ATAD2B: variants seen among roughly 807,000 people sequenced by gnomAD.
ATAD2B encodes ATPase family AAA domain-containing protein 2B.
ATAD2B carries 40 observed loss-of-function variants against 167.6 expected under a neutral mutation model. The observed-to-expected ratio is 0.24, with a 90% confidence interval of 0.19 to 0.31. ATAD2B has a LOEUF of 0.31. Ranked by LOEUF, ATAD2B falls within the 10% of genes least tolerant of loss-of-function variation. The pLI, the probability that ATAD2B is intolerant of heterozygous loss-of-function variation, is 1.00. For synonymous variants in ATAD2B, 579 were observed against 596.5 expected (o/e 0.97, Z 0.43); for missense variants, 1,242 against 1,757.2 (o/e 0.71, Z 5.24).
At chr2:23,762,950 G>A (rs2551330) in intron 23 of ATAD2B, among the ~76,000 whole-genome samples, 5,902 of 152,216 alleles carry the variant, frequency 0.039, 110 homozygotes, top group Admixed American at 0.046. Context: ...GTATCATTGT[G>A]TTCAGGTTCA....
chr2:23,713,534 C>G, the ATAD2B span, among the ~76,000 whole-genome samples: 1 of 152,164 alleles, frequency 6.6e-6, no homozygotes, highest in African/African-American at 2.4e-5. Flanking sequence ...CTTTCATCAC[C>G]CCAGAAACAA....
intron 8 of ATAD2B, among the ~76,000 whole-genome samples, chr2:23,874,900 CA>C (rs1252442403): frequency 6.7e-6 from 1 of 148,390 alleles, no homozygotes; most frequent in Non-Finnish European, 1.5e-5. Context: ...ACTAAAAATA[CA>C]AAAAAATAGC....
intron 1 of ATAD2B, among the ~76,000 whole-genome samples, chr2:23,907,841 T>A (rs1433687892): frequency 1.3e-5 from 2 of 152,134 alleles, no homozygotes; most frequent in Non-Finnish European, 2.9e-5. Context: ...GCCGCATATC[T>A]ACAATTATCT....
the ATAD2B span, among the ~76,000 whole-genome samples, chr2:23,738,453 T>G: frequency 1.2e-4 from 19 of 152,208 alleles, no homozygotes; most frequent in East Asian, 3.3e-3. Flanking sequence ...CAAACTAAGC[T>G]TCATAAGTGA....
At chr2:23,726,439 T>C in the ATAD2B span, among the ~76,000 whole-genome samples, 1 of 152,300 alleles carries the variant, frequency 6.6e-6, no homozygotes, top group Admixed American at 6.5e-5. Context: ...GAAAGTACTA[T>C]TAAGAAAATA....
At chr2:23,913,111 C>T (rs949015686) in intron 1 of ATAD2B, among the ~76,000 whole-genome samples, 1 of 152,196 alleles carries the variant, frequency 6.6e-6, no homozygotes, top group Admixed American at 6.5e-5. Context: ...TTCCATCATA[C>T]ATTTTTATTT....
chr2:23,811,585 C>G (rs1451986428), intron 17 of ATAD2B: 1 of 152,016 alleles, frequency 6.6e-6, no homozygotes, highest in African/African-American at 2.4e-5. Context: ...CATCACACAC[C>G]GGGGCCTGTC....
At chr2:23,807,825 A>AT (rs1243737463) in intron 18 of ATAD2B, among the ~76,000 whole-genome samples, 1,196 of 88,882 alleles carry the variant, frequency 0.013, 3 homozygotes, top group Non-Finnish European at 0.018. Flanking sequence ...TAAAAAAAAA[A>AT]AAAATATATA....
At chr2:23,683,362 T>C in the ATAD2B span, among the ~76,000 whole-genome samples, 1 of 152,116 alleles carries the variant, frequency 6.6e-6, no homozygotes, top group Non-Finnish European at 1.5e-5. Flanking sequence ...CCAGCAACAT[T>C]AAGGGCAGGC....
the ATAD2B span, among the ~76,000 whole-genome samples, chr2:23,681,686 A>G: frequency 6.6e-6 from 1 of 152,180 alleles, no homozygotes; most frequent in Non-Finnish European, 1.5e-5. This position sits in a 1 kb window ranked among gnomAD's most constrained non-coding sequence, Gnocchi z 4.2. Flanking sequence ...GTGCTGGCCC[A>G]GGGTCACACA....
intron 22 of ATAD2B, among the ~76,000 whole-genome samples, chr2:23,770,199 T>C (rs2465249): frequency 0.039 from 5,945 of 151,116 alleles, 113 homozygotes; most frequent in South Asian, 0.046. Flanking sequence ...GCCTACAATC[T>C]CAGCTACTCG....
At chr2:23,744,893 A>G (rs1172178765), downstream of ATAD2B, among the ~76,000 whole-genome samples, 1 of 152,228 alleles carries the variant, frequency 6.6e-6, no homozygotes, top group African/African-American at 2.4e-5. Context: ...AAGAACTAAA[A>G]CAAGTATGAC....
At chr2:23,786,000 A>T in intron 21 of ATAD2B, 27 bp downstream of exon 21, 1 of 1,549,916 alleles carries the variant, frequency 6.5e-7, no homozygotes, top group Non-Finnish European at 8.7e-7. Context: ...GTTCAACTTC[A>T]CTGTTTGCAC....
intron 13 of ATAD2B, among the ~76,000 whole-genome samples, chr2:23,837,725 G>T (rs1690235417): frequency 1.3e-5 from 2 of 152,184 alleles, no homozygotes; most frequent in African/African-American, 4.8e-5. Context: ...TTAATAGATA[G>T]CAATCTAGGG....
At chr2:23,853,861 C>G (rs1398544931) in intron 13 of ATAD2B, among the ~76,000 whole-genome samples, 1 of 152,186 alleles carries the variant, frequency 6.6e-6, no homozygotes, top group African/African-American at 2.4e-5. Flanking sequence ...AATAGACACA[C>G]ATTTATATGG....
At chr2:23,889,658 G>A (rs1354365964) in intron 2 of ATAD2B, among the ~76,000 whole-genome samples, 4 of 151,646 alleles carry the variant, frequency 2.6e-5, no homozygotes, top group Non-Finnish European at 2.9e-5. Context: ...GATGGCTCAC[G>A]CCTATAATCC....
the ATAD2B span, among the ~76,000 whole-genome samples, chr2:23,735,004 G>A: frequency 6.6e-6 from 1 of 152,138 alleles, no homozygotes; most frequent in South Asian, 2.1e-4. Context: ...CTTGTTGAAA[G>A]GAAGTCATTA....
intron 23 of ATAD2B, among the ~76,000 whole-genome samples, chr2:23,762,676 C>T (rs1381139425): frequency 3.9e-5 from 6 of 152,100 alleles, no homozygotes; most frequent in African/African-American, 1.4e-4. Context: ...AAAATAATGA[C>T]CTCTGCCATC....
At chr2:23,800,275 C>A (rs752398308) in intron 18 of ATAD2B, among the ~76,000 whole-genome samples, 9 of 152,146 alleles carry the variant, frequency 5.9e-5, no homozygotes, top group Non-Finnish European at 1.3e-4. Context: ...CAAAGCCAAT[C>A]ACTTAATTCA....
Sources: allele counts gnomAD v4.1 joint callset (sites outside exome capture counted in the v4.1 genomes callset), GRCh38; gene constraint gnomAD v4.1.1; non-coding constraint Gnocchi (gnomAD v3.1); transcripts MANE v1.5; gene names NCBI Gene and HGNC (gene_info 2026-07-23, HGNC 2026-07-21).